Variants in ROBO2 observed in about 807,000 individuals in gnomAD.
ROBO2 encodes the protein roundabout guidance receptor 2.
A neutral mutation model predicts 160.8 loss-of-function variants in ROBO2; 53 were observed. The ratio of observed to expected loss-of-function variants is 0.33; its 90% CI spans 0.26 to 0.41. ROBO2 has a LOEUF of 0.41. ROBO2 is among the 10% of genes least tolerant of loss of function. The pLI, the probability that ROBO2 is intolerant of heterozygous loss-of-function variation, is 1.00. For synonymous variants in ROBO2, 664 were observed against 611.7 expected, an observed-to-expected ratio of 1.09 and a Z score of -1.26; for missense variants, 1,577 against 1,722.4, an observed-to-expected ratio of 0.92 and a Z score of 1.49.
intron 2 of ROBO2, among the ~76,000 whole-genome samples, chr3:76,178,759 A>G (rs2073319731): frequency 6.6e-6 from 1 of 152,074 alleles, no homozygotes; most frequent in African/African-American, 2.4e-5. Flanking sequence ...CCTGACCAAC[A>G]TGGAAAACCC....
chr3:77,366,894 C>A (rs931632762), intron 2 of ROBO2, among the ~76,000 whole-genome samples: 5 of 91,364 alleles, frequency 5.5e-5, no homozygotes, highest in African/African-American at 1.1e-4. Context: ...TCTCACAGCA[C>A]CCCCCCGACA....
intron 24 of ROBO2, among the ~76,000 whole-genome samples, chr3:77,641,614 T>C (rs2095352390): frequency 6.6e-6 from 1 of 152,132 alleles, no homozygotes; most frequent in Admixed American, 6.5e-5. Context: ...ATATTTGGTC[T>C]TTATGAAAAA....
chr3:77,528,449 G>C (rs2091373925), intron 6 of ROBO2, among the ~76,000 whole-genome samples: 1 of 151,664 alleles, frequency 6.6e-6, no homozygotes, highest in Admixed American at 6.6e-5. Flanking sequence ...GGTTGAAAGA[G>C]TCATGGACTT....
rs575237879 is a variant in ROBO2 at position 76,999,155 on chromosome 3, CT to C, written c.110-98849del. 3.8e-3 allele frequency among the ~76,000 whole-genome samples: 551 copies of C among 146,560 alleles called. 6 individuals carry two copies. The highest frequency in any genetic ancestry group is 0.012 in the African/African-American group (481 of 40,098). On this transcript the variant is annotated intron_variant, in intron 2 of 26. Transcript: ENST00000487694. ...ATCTACTGAGAGAAGAGAAGTTTTC[CT>C]TTTTTTTTTAACTGTAAAATGAGTA... is the stretch of plus-strand genomic sequence containing the variant.
intron 2 of ROBO2, among the ~76,000 whole-genome samples, chr3:77,396,690 G>C (rs1271445783): frequency 2.0e-5 from 3 of 152,112 alleles, no homozygotes; most frequent in Non-Finnish European, 4.4e-5. Context: ...TCTCAGTCAT[G>C]AAAGTCTGTC....
At chr3:77,132,276 G>A (rs958992570) in intron 2 of ROBO2, among the ~76,000 whole-genome samples, 6 of 152,084 alleles carry the variant, frequency 3.9e-5, no homozygotes, top group African/African-American at 1.4e-4. Context: ...TCTGAGCCAA[G>A]AGACAGAGTA....
chr3:77,085,031 C>G (rs959709561), intron 1 of ROBO2, among the ~76,000 whole-genome samples: 3 of 151,962 alleles, frequency 2.0e-5, no homozygotes, highest in Non-Finnish European at 2.9e-5. Context: ...CACTAAAAAG[C>G]CATCAATAGA....
chr3:77,228,188 A>G (rs1219696479), intron 2 of ROBO2, among the ~76,000 whole-genome samples: 2 of 151,934 alleles, frequency 1.3e-5, no homozygotes, highest in African/African-American at 4.8e-5. Flanking sequence ...TTTTTTTGAG[A>G]CAGAGGTTTG....
chr3:77,561,486 C>T (rs552647271), intron 9 of ROBO2, among the ~76,000 whole-genome samples: 1 of 152,028 alleles, frequency 6.6e-6, no homozygotes, highest in Non-Finnish European at 1.5e-5. Context: ...GGGCTTTATT[C>T]AAAATATAAT....
At chr3:76,485,941 T>TGGAA (rs1326370341) in intron 2 of ROBO2, among the ~76,000 whole-genome samples, 1 of 152,108 alleles carries the variant, frequency 6.6e-6, no homozygotes, top group East Asian at 1.9e-4. Flanking sequence ...TATGGAAACA[T>TGGAA]GGAAGAAAGA....
At chr3:77,628,569 C>G (rs1378694614) in intron 23 of ROBO2, among the ~76,000 whole-genome samples, 1 of 151,952 alleles carries the variant, frequency 6.6e-6, no homozygotes, top group African/African-American at 2.4e-5. Context: ...TACATTTTAG[C>G]CATTTTACAG....
chr3:77,568,240 G>T, intron 12 of ROBO2, 73 bp from the exon 14 acceptor site: 1 of 1,546,872 alleles, frequency 6.5e-7, no homozygotes, highest in Non-Finnish European at 8.8e-7. Context: ...ACATGAGGTT[G>T]ATTTACATAA....
At chr3:77,225,913 T>A (rs190125052) in intron 2 of ROBO2, among the ~76,000 whole-genome samples, 2 of 152,156 alleles carry the variant, frequency 1.3e-5, no homozygotes, top group East Asian at 3.9e-4. Flanking sequence ...ATGTTTAATT[T>A]AGGACAGCAT....
In ROBO2 at chr3:76,926,540, A is replaced by G. The variant is rs1272470096; in HGVS notation, c.110-171474A>G. On this transcript the variant is annotated intron_variant, in intron 2 of 26. Coordinates refer to the ROBO2 transcript ENST00000487694. ...CCTGTGGCCTCGCTGTACGTTTTAT[A>G]AAGTTTGTTTTCTCTTATATCCATG... is the stretch of plus-strand genomic sequence containing the variant. Among the ~76,000 whole-genome samples the G allele has an allele frequency of 3.1e-4, 47 of 152,210 alleles. 1 individual carries two copies. Among genetic ancestry groups the G allele is most frequent in the Non-Finnish European group, 1.5e-5 (1 of 68,024 alleles).
chr3:77,105,058 G>A (rs967455804), intron 2 of ROBO2, among the ~76,000 whole-genome samples: 5 of 152,142 alleles, frequency 3.3e-5, no homozygotes, highest in African/African-American at 1.2e-4. Flanking sequence ...GAGAATAACT[G>A]ACAGTACTTT....
chr3:77,382,921 T>C (rs898220952), intron 2 of ROBO2, among the ~76,000 whole-genome samples: 2 of 152,204 alleles, frequency 1.3e-5, no homozygotes, highest in Non-Finnish European at 2.9e-5. Context: ...TAATGTTTCA[T>C]TCCTAGTTGC....
At chr3:76,725,936 G>A (rs2093544963) in intron 2 of ROBO2, among the ~76,000 whole-genome samples, 1 of 152,124 alleles carries the variant, frequency 6.6e-6, no homozygotes, top group East Asian at 1.9e-4. Context: ...AAGCTAATTA[G>A]TGAAACTTCT....
intron 2 of ROBO2, among the ~76,000 whole-genome samples, chr3:76,124,725 G>T (rs1051733709): frequency 2.0e-5 from 3 of 152,002 alleles, no homozygotes; most frequent in Non-Finnish European, 4.4e-5. Flanking sequence ...CTAGAAAAAT[G>T]TTTCAAAAAT....
intron 6 of ROBO2, chr3:77,538,842 A>C (rs772173162): frequency 2.6e-5 from 13 of 490,722 alleles, no homozygotes; most frequent in Admixed American, 2.5e-4. Context: ...CATTGCAAAG[A>C]AACGATTTCT....
Sources: gnomAD v4.1 joint callset for allele counts (sites outside exome capture counted in the v4.1 genomes callset) on GRCh38, gnomAD v4.1.1 for gene constraint, MANE v1.5 for transcripts, NCBI Gene and HGNC (gene_info 2026-07-23, HGNC 2026-07-21) for gene names.